HAAO: variants seen among roughly 807,000 people sequenced by gnomAD.
The protein encoded by HAAO is 3-hydroxyanthranilate oxygenase.
In HAAO, 49 loss-of-function variants were observed where a neutral mutation model predicts 46.2. That is an observed-to-expected ratio of 1.06 (90% CI 0.84 to 1.34). HAAO has a LOEUF of 1.34. HAAO is among the 40% of genes most tolerant of loss of function. HAAO has a pLI of 0.00. For synonymous variants in HAAO, 157 were observed against 145.2 expected (o/e 1.08, Z -0.58); for missense variants, 408 against 364.5 (o/e 1.12, Z -0.97).
intron 2 of HAAO, among the ~76,000 whole-genome samples, chr2:42,787,615 G>C (rs1017766651): frequency 1.3e-5 from 2 of 152,102 alleles, no homozygotes; most frequent in African/African-American, 2.4e-5. Flanking sequence ...GCACACATGA[G>C]GTGCTCAGCA....
chr2:42,770,085 C>A, intron 6 of HAAO, 58 bp downstream of exon 6: 1 of 1,517,970 alleles, frequency 6.6e-7, no homozygotes, highest in Non-Finnish European at 9.1e-7. Context: ...GGACCAAAAC[C>A]CATCCTATTT....
rs768537500 is a variant in HAAO, at chr2:42,770,187, C to G, written c.441-1G>C. ...TCTGTACTGCTCAGAGCTGAAGAAC[C>G]TGCAAGGACGAACAGGGAGGAGCAG... On this transcript the variant is annotated splice_acceptor_variant, in intron 5 of 9. Coordinates refer to ENST00000294973, the MANE Select transcript of HAAO (RefSeq NM_012205.3). LOFTEE classifies it high-confidence loss of function. 46 of 1,597,512 alleles carry G rather than the reference C, an allele frequency of 2.9e-5. No individual in the cohort carries two copies. Among genetic ancestry groups the G allele is most frequent in the Non-Finnish European group, 3.8e-5 (45 of 1,170,832 alleles).
chr2:42,791,352 A>G (rs984363666), intron 1 of HAAO, among the ~76,000 whole-genome samples: 2 of 152,136 alleles, frequency 1.3e-5, no homozygotes, highest in African/African-American at 4.8e-5. Flanking sequence ...GGGGGAGCGA[A>G]GGGAGGACTG....
chr2:42,784,192 C>G (rs1248911680), intron 2 of HAAO, among the ~76,000 whole-genome samples: 1 of 152,194 alleles, frequency 6.6e-6, no homozygotes, highest in Non-Finnish European at 1.5e-5. Flanking sequence ...AGGGAACCCA[C>G]CCATTTACTG....
At chr2:42,777,537 G>C (rs945950168) in intron 4 of HAAO, among the ~76,000 whole-genome samples, 2 of 152,104 alleles carry the variant, frequency 1.3e-5, no homozygotes, top group African/African-American at 4.8e-5. Flanking sequence ...GGAGAGCTTG[G>C]AGGTTAGAAG....
At chr2:42,775,335 T>G (rs919241888) in intron 4 of HAAO, among the ~76,000 whole-genome samples, 5 of 151,944 alleles carry the variant, frequency 3.3e-5, no homozygotes, top group Admixed American at 2.0e-4. Context: ...GATTTTGTAT[T>G]TTGACTGCTA....
chr2:42,776,381 G>C (rs1430091251), intron 4 of HAAO, among the ~76,000 whole-genome samples: 2 of 151,672 alleles, frequency 1.3e-5, no homozygotes, highest in Non-Finnish European at 2.9e-5. Context: ...TGAGATTACA[G>C]GTATGTGCCA....
intron 2 of HAAO, among the ~76,000 whole-genome samples, chr2:42,785,541 C>G (rs1350706375): frequency 6.6e-6 from 1 of 152,078 alleles, no homozygotes; most frequent in Non-Finnish European, 1.5e-5. Context: ...CTCATATTTT[C>G]TACAAGGAAC....
intron 4 of HAAO, among the ~76,000 whole-genome samples, chr2:42,777,888 A>G (rs1019794460): frequency 1.2e-4 from 18 of 152,200 alleles, no homozygotes; most frequent in African/African-American, 4.3e-4. Context: ...CATGTATAAA[A>G]CAAGGTAAAA....
intron 4 of HAAO, among the ~76,000 whole-genome samples, chr2:42,774,291 C>T (rs1387333685): frequency 1.3e-5 from 2 of 152,270 alleles, no homozygotes; most frequent in East Asian, 3.9e-4. Flanking sequence ...ATTTTGATAA[C>T]CACAGAGGCA....
intron 4 of HAAO, among the ~76,000 whole-genome samples, chr2:42,778,449 C>G (rs1035544553): frequency 3.3e-5 from 5 of 152,094 alleles, no homozygotes; most frequent in Non-Finnish European, 5.9e-5. Context: ...TCTGCCTCAG[C>G]CTCCTGAGTA....
chr2:42,771,439 ATAAG>A, intron 4 of HAAO, among the ~76,000 whole-genome samples: 1 of 129,988 alleles, frequency 7.7e-6, no homozygotes, highest in East Asian at 1.9e-4. Context: ...AAGTAAATAA[ATAAG>A]TAAAAAAAAA....
In HAAO at chr2:42,769,864, C is replaced by T. The variant is rs780721956; in HGVS notation, c.485-6G>A. On this transcript the variant is annotated splice_polypyrimidine_tract_variant and splice_region_variant and intron_variant, in intron 6 of 9. Coordinates refer to ENST00000294973, the MANE Select transcript of HAAO (RefSeq NM_012205.3). Reference sequence around the variant, plus strand: ...TGGCTCCTTGAGCAGCTGGTCTGCACCCACAGCATGACTATAGTCGGTGTC... The same window carrying T: ...TGGCTCCTTGAGCAGCTGGTCTGCATCCACAGCATGACTATAGTCGGTGTC... 15 of 1,604,974 alleles carry T rather than the reference C, an allele frequency of 9.3e-6. No individual in the cohort carries two copies. The South Asian group carries it at 1.5e-4, about 16-fold the overall frequency.
rs547506696 is a variant in HAAO at position 42,768,294 on chromosome 2, T to C, written c.631-366A>G. Among the ~76,000 whole-genome samples the C allele has an allele frequency of 2.9e-4, 44 of 152,254 alleles. 1 individual carries two copies. In the South Asian group the frequency reaches 8.5e-3, roughly 29 times the overall value. Reference sequence around the variant, plus strand: ...CTTTCTCTGAGAGAGGTTATGAGTCTGGCCTCAGGAGGAGGAGGGGACAAG... The same window carrying C: ...CTTTCTCTGAGAGAGGTTATGAGTCCGGCCTCAGGAGGAGGAGGGGACAAG... On this transcript the variant is annotated intron_variant, in intron 7 of 9. Transcript: ENST00000294973.
chr2:42,792,478 GGCT>G lies in HAAO; in HGVS notation c.56_58del (p.Gln19del). 6.3e-7 allele frequency: 1 copy of G among 1,590,170 alleles called. No individual in the cohort carries two copies. Among genetic ancestry groups the G allele is most frequent in the East Asian group, 2.4e-5 (1 of 41,272 alleles). Reference sequence around the variant, plus strand: ...TCACATGAGCTTGTTGCAGACCGGGGGCTGGAAGGAGCCCCGGTTCTCCTTCAC... The same window carrying G: ...TCACATGAGCTTGTTGCAGACCGGGGGGAAGGAGCCCCGGTTCTCCTTCAC... On this transcript the variant is annotated inframe_deletion, in exon 1 of 10. Coordinates refer to ENST00000294973, the MANE Select transcript of HAAO (RefSeq NM_012205.3).
At chr2:42,778,859 A>AT (rs1175225369) in intron 4 of HAAO, among the ~76,000 whole-genome samples, 2 of 152,072 alleles carry the variant, frequency 1.3e-5, no homozygotes, top group Non-Finnish European at 2.9e-5. Flanking sequence ...CACGCCTCTA[A>AT]TTCCAGCACT....
rs139762094 is a variant in HAAO at position 42,781,639 on chromosome 2, G to A, written c.350+1675C>T. Among the ~76,000 whole-genome samples the A allele has an allele frequency of 4.2e-4, 64 of 152,228 alleles. 2 individuals carry two copies. The East Asian group carries it at 0.011, about 26-fold the overall frequency. Reference sequence around the variant, plus strand: ...TGTAATCCTAGCACTTTGGAAGGCCGAGGCAGATGGGTCACCTGAGGTCAG... The same window carrying A: ...TGTAATCCTAGCACTTTGGAAGGCCAAGGCAGATGGGTCACCTGAGGTCAG... On this transcript the variant is annotated intron_variant, in intron 4 of 9. Transcript: ENST00000294973.
At chr2:42,784,011 C>T (rs1216040674) in intron 2 of HAAO, 144 bp from the exon 3 acceptor site, 4 of 1,444,682 alleles carry the variant, frequency 2.8e-6, no homozygotes, top group Non-Finnish European at 3.7e-6. Flanking sequence ...CACTTCTGTC[C>T]TGAGGCCTGT....
At chr2:42,769,947 A>G in intron 6 of HAAO, 89 bp from the exon 7 acceptor site, 1 of 1,396,688 alleles carries the variant, frequency 7.2e-7, no homozygotes. Flanking sequence ...CCCAGGTCTC[A>G]ATTGCCAGAA....
Sources: gnomAD v4.1 joint callset for allele counts (sites outside exome capture counted in the v4.1 genomes callset) on GRCh38, gnomAD v4.1.1 for gene constraint, MANE v1.5 for transcripts, NCBI Gene and HGNC (gene_info 2026-07-23, HGNC 2026-07-21) for gene names.